HNRNPL: variants seen among roughly 807,000 people sequenced by gnomAD.
HNRNPL encodes the protein heterogeneous nuclear ribonucleoprotein L.
A neutral mutation model predicts 64.0 loss-of-function variants in HNRNPL; 12 were observed. That is an observed-to-expected ratio of 0.19 (90% CI 0.12 to 0.30). The LOEUF (loss-of-function observed/expected upper bound fraction) is 0.30, where lower values mean the gene tolerates loss of function less well. Among genes scored for constraint, HNRNPL ranks in the 10% least tolerant of loss-of-function variants. The probability of loss-of-function intolerance (pLI) is 1.00; values close to 1 mark genes in which losing one functional copy is unlikely to be tolerated. For missense variants in HNRNPL, 484 were observed against 797.4 expected (o/e 0.61, Z 4.73); for synonymous variants, 385 against 313.0 (o/e 1.23, Z -2.43).
In HNRNPL at chr19:38,838,734, T is replaced by G. The variant is rs376949192; in HGVS notation, c.1356-136A>C. ...TACACCTGAGGCAAGGCTGACTCAC[T>G]TTCTCCTGTGGTGTCAGAGACACGT... On this transcript the variant is annotated intron_variant, in intron 9 of 12. Transcript: ENST00000221419. The G allele has an allele frequency of 3.7e-4, 481 of 1,307,202 alleles. 5 individuals are homozygous for G. In the African/African-American group the frequency reaches 5.5e-3, roughly 15 times the overall value. The allele number at this position is 1,307,202 out of a possible 1,614,324, so 81.0% of individuals were successfully genotyped here. A position where few individuals can be genotyped will look rare whatever the true frequency, so the allele number is the denominator to read the frequency against.
At position 38,839,746 on chromosome 19, in the gene HNRNPL, G is replaced by A. The variant is rs114543737; in HGVS notation, c.1233+350C>T. On this transcript the variant is annotated intron_variant, in intron 8 of 12. Transcript: ENST00000221419. ...TCAACTGTCCCATGGGAAGGCAGAA[G>A]GCCCGGTGTTGCCAGGTCTTAAGTT... is the stretch of plus-strand genomic sequence containing the variant. The A allele has an allele frequency of 1.1e-3, 283 of 246,574 alleles. 3 individuals are homozygous for A. The highest frequency in any genetic ancestry group is 5.6e-3 in the African/African-American group (239 of 42,746). 15.3% of individuals were successfully genotyped at this position (246,574 alleles called of 1,614,324 possible).
At chr19:38,848,247 C>T (rs954327503) in intron 1 of HNRNPL, among the ~76,000 whole-genome samples, 4 of 152,286 alleles carry the variant, frequency 2.6e-5, no homozygotes, top group Admixed American at 6.5e-5. Flanking sequence ...CTCGCCACCA[C>T]ACCTGGCTAA....
At chr19:38,846,137 A>G (rs757736207) in intron 2 of HNRNPL, 47 bp from the exon 3 acceptor site, 27 of 1,369,218 alleles carry the variant, frequency 2.0e-5, no homozygotes, top group Non-Finnish European at 2.6e-5. Flanking sequence ...AAATGTAGAC[A>G]GGAGGAGGGT....
chr19:38,850,753 C>T (rs1161031761), upstream of HNRNPL, among the ~76,000 whole-genome samples: 1 of 152,214 alleles, frequency 6.6e-6, no homozygotes, highest in Admixed American at 6.5e-5. Context: ...ATTTCTACCT[C>T]TAGGAGGAAT....
At chr19:38,840,454 C>T (rs775758796) in intron 7 of HNRNPL, 34 bp downstream of exon 7, 150 of 1,566,770 alleles carry the variant, frequency 9.6e-5, no homozygotes, top group Middle Eastern at 1.8e-4. Context: ...ACATGAGCCA[C>T]GGGAGTCCAC....
intron 6 of HNRNPL, chr19:38,843,621 G>A: frequency 3.5e-6 from 2 of 564,180 alleles, no homozygotes; most frequent in South Asian, 2.2e-5. Context: ...CCTTGCCTCT[G>A]TATCCTGAGC....
At position 38,846,527 on chromosome 19, in the gene HNRNPL, CTT is replaced by C. The variant is rs928590518; in HGVS notation, c.387-439_387-438del. Among the ~76,000 whole-genome samples, 3 of 152,178 alleles carry C rather than the reference CTT, an allele frequency of 2.0e-5. No homozygotes were observed. In the East Asian group the frequency reaches 5.8e-4, roughly 29 times the overall value. ...GTAGCTCATGCCTGTAACCCTAAAA[CTT>C]GGGAGGGCTAGGTGGGCAGACTGCT... On this transcript the variant is annotated intron_variant, in intron 2 of 12. Transcript: ENST00000221419.
At chr19:38,851,001 C>G (rs1202459704), upstream of HNRNPL, 2 of 152,418 alleles carry the variant, frequency 1.3e-5, no homozygotes, top group African/African-American at 4.8e-5. Context: ...TCTAAATTAA[C>G]AGGTCCCTGC....
chr19:38,837,711 C>A, intron 10 of HNRNPL, 60 bp from the exon 11 acceptor site: 1 of 1,460,668 alleles, frequency 6.8e-7, no homozygotes, highest in Non-Finnish European at 9.6e-7. Context: ...ACACAGGATT[C>A]AAGCAGACCA....
At chr19:38,845,352 C>T in intron 4 of HNRNPL, 1 of 324,960 alleles carries the variant, frequency 3.1e-6, no homozygotes, top group South Asian at 3.4e-5. Context: ...GCCCAGGCAA[C>T]AAGGGCTAAA....
chr19:38,845,343 C>A, intron 4 of HNRNPL: 1 of 308,778 alleles, frequency 3.2e-6, no homozygotes. Flanking sequence ...TGCACTCCAG[C>A]CCAGGCAACA....
chr19:38,847,284 G>T, intron 2 of HNRNPL, 32 bp downstream of exon 2: 3 of 1,193,692 alleles, frequency 2.5e-6, no homozygotes, highest in Non-Finnish European at 3.4e-6. Context: ...GTCAACTTTG[G>T]AAGCCCAACA....
intron 6 of HNRNPL, chr19:38,841,133 A>C (rs972612291): frequency 4.7e-6 from 1 of 214,852 alleles, no homozygotes; most frequent in African/African-American, 2.4e-5. Context: ...GCAACAGCAG[A>C]ATCAGTTCAA....
chr19:38,837,626 C>CGCTTCA lies in HNRNPL; in HGVS notation c.1577_1582dup (p.Lys527_Arg528insLeuLys). ...TGAGAATACTTTCACAGAAGATGGC[C>CGCTTCA]GCTTCACTCCCAGCTCATCGCAGAT... On this transcript the variant is annotated inframe_insertion, in exon 11 of 13. Transcript: ENST00000221419. The CGCTTCA allele has an allele frequency of 6.2e-7, 1 of 1,614,208 alleles. No individual in the cohort carries two copies. Among genetic ancestry groups the CGCTTCA allele is most frequent in the Non-Finnish European group, 8.5e-7 (1 of 1,180,034 alleles).
intron 3 of HNRNPL, 32 bp downstream of exon 3, chr19:38,845,821 A>AGAC: frequency 6.2e-7 from 1 of 1,600,598 alleles, no homozygotes; most frequent in Non-Finnish European, 8.6e-7. Flanking sequence ...AAAGGAAGGG[A>AGAC]GACCTCACAA....
In HNRNPL at chr19:38,846,273, G is replaced by A. The variant is rs578117052; in HGVS notation, c.387-183C>T. 2.6e-5 allele frequency among the ~76,000 whole-genome samples: 4 copies of A among 152,260 alleles called. No homozygotes were observed. In the South Asian group the frequency reaches 8.3e-4, roughly 32 times the overall value. ...CCAAAAGCCAAAGAGGTCTAGCTGAGCCATCATGTCCCTCTGGGAAGCCTT... is the reference window on the plus strand; with the variant it reads ...CCAAAAGCCAAAGAGGTCTAGCTGAACCATCATGTCCCTCTGGGAAGCCTT... On this transcript the variant is annotated intron_variant, in intron 2 of 12. Coordinates refer to ENST00000221419, the MANE Select transcript of HNRNPL (RefSeq NM_001533.3).
chr19:38,839,175 A>C, intron 8 of HNRNPL, 160 bp from the exon 9 acceptor site: 2 of 819,682 alleles, frequency 2.4e-6, no homozygotes, highest in Non-Finnish European at 3.8e-6. Flanking sequence ...CCAAGTGCTC[A>C]ACCCATAGTG....
intron 1 of HNRNPL, 90 bp from the exon 2 acceptor site, chr19:38,847,524 A>G (rs1398727810): frequency 4.4e-6 from 3 of 687,958 alleles, no homozygotes; most frequent in East Asian, 3.0e-5. Flanking sequence ...CCAGTCAGAT[A>G]AAACAGTTGG....
In HNRNPL at chr19:38,844,114, G is replaced by A. The variant is rs774237727; in HGVS notation, c.711-10C>T. The A allele has an allele frequency of 1.3e-6, 2 of 1,576,120 alleles. No individual in the cohort carries two copies. The highest frequency in any genetic ancestry group is 1.1e-5 in the South Asian group (1 of 90,336). ...TTGAACTGAGTCAAATGTGAGTCAA[G>A]TTAAGGAAAGTCCCATCACAGGAGA... On this transcript the variant is annotated splice_polypyrimidine_tract_variant and intron_variant, in intron 4 of 12. Coordinates refer to ENST00000221419, the MANE Select transcript of HNRNPL (RefSeq NM_001533.3).
Sources: gnomAD v4.1 joint callset for allele counts (sites outside exome capture counted in the v4.1 genomes callset) on GRCh38, gnomAD v4.1.1 for gene constraint, MANE v1.5 for transcripts, NCBI Gene and HGNC (gene_info 2026-07-23, HGNC 2026-07-21) for gene names.